Variants in GFI1B observed in about 807,000 individuals in gnomAD.
The protein encoded by GFI1B is growth factor independent 1B transcriptional repressor.
Under a neutral mutation model 35.3 loss-of-function variants are expected in GFI1B, and 20 were observed. That is an observed-to-expected ratio of 0.57 (90% confidence interval 0.40 to 0.82). GFI1B has a LOEUF of 0.82. Among genes scored for constraint, GFI1B ranks in the 40% least tolerant of loss-of-function variants. The pLI is 0.00. For missense variants in GFI1B, 430 were observed against 446.3 expected (o/e 0.96, Z 0.33); for synonymous variants, 178 against 177.6 (o/e 1.00, Z -0.02).
At chr9:132,950,546 C>A in intron 1 of GFI1B, among the ~76,000 whole-genome samples, 1 of 132,282 alleles carries the variant, frequency 7.6e-6, no homozygotes, top group African/African-American at 2.9e-5. Flanking sequence ...CCTGTAATCC[C>A]AATCCCACTT....
chr9:132,964,295 G>T (rs1158491032), intron 1 of GFI1B, among the ~76,000 whole-genome samples: 1 of 151,870 alleles, frequency 6.6e-6, no homozygotes, highest in Non-Finnish European at 1.5e-5. Context: ...TTACTTAACG[G>T]GTACAATATA....
intron 1 of GFI1B, among the ~76,000 whole-genome samples, chr9:132,967,488 T>C (rs1206494158): frequency 1.3e-5 from 2 of 152,120 alleles, no homozygotes; most frequent in Non-Finnish European, 2.9e-5. Flanking sequence ...AAAGACATAA[T>C]ACACTCATGC....
At chr9:132,991,959 T>C (rs1849308715), downstream of GFI1B, among the ~76,000 whole-genome samples, 1 of 152,098 alleles carries the variant, frequency 6.6e-6, no homozygotes, top group African/African-American at 2.4e-5. Context: ...CTGTGACAAA[T>C]GACCACAAAC....
intron 1 of GFI1B, 46 bp from the exon 2 acceptor site, chr9:132,986,613 T>C (rs776401954): frequency 7.5e-6 from 7 of 934,694 alleles, no homozygotes; most frequent in Non-Finnish European, 1.2e-5. Flanking sequence ...TGGAGGGGTA[T>C]TGTTCTCTTG....
intron 1 of GFI1B, among the ~76,000 whole-genome samples, chr9:132,971,029 C>A (rs1203562843): frequency 1.3e-5 from 2 of 152,212 alleles, no homozygotes; most frequent in African/African-American, 4.8e-5. Flanking sequence ...TTATAGTCAG[C>A]TGTTGAATAT....
upstream of GFI1B, among the ~76,000 whole-genome samples, chr9:132,974,738 G>A (rs1848596232): frequency 6.6e-6 from 1 of 152,144 alleles, no homozygotes; most frequent in Admixed American, 6.5e-5. Flanking sequence ...AGGTCAAGGA[G>A]GTCTTTCTGC....
chr9:132,955,021 AT>A (rs1407636020), intron 1 of GFI1B, among the ~76,000 whole-genome samples: 1 of 152,228 alleles, frequency 6.6e-6, no homozygotes, highest in East Asian at 1.9e-4. Context: ...CTGGCCAAAT[AT>A]TTTTTAAAGA....
upstream of GFI1B, chr9:132,974,905 G>C (rs535220415): frequency 6.6e-6 from 1 of 152,316 alleles, no homozygotes; most frequent in South Asian, 2.1e-4. Flanking sequence ...ATCCAACCAT[G>C]TCAGAAGCTG....
upstream of GFI1B, chr9:132,974,986 T>C (rs1208119814): frequency 6.6e-6 from 1 of 151,970 alleles, no homozygotes; most frequent in African/African-American, 2.4e-5. Flanking sequence ...GTTTCTGTAC[T>C]GGGCACGGTG....
intron 1 of GFI1B, among the ~76,000 whole-genome samples, chr9:132,960,848 A>T (rs1166285216): frequency 6.6e-6 from 1 of 151,490 alleles, no homozygotes; most frequent in East Asian, 2.0e-4. Context: ...TGGGTAGGCC[A>T]CCTCCTCTCT....
intron 1 of GFI1B, among the ~76,000 whole-genome samples, chr9:132,983,805 G>A (rs1233708905): frequency 1.3e-5 from 2 of 152,236 alleles, no homozygotes; most frequent in Admixed American, 6.5e-5. Context: ...CCAGCACTTG[G>A]CACCCATTCT....
Position 132,987,370 on chromosome 9 carries a change from G to A in GFI1B, c.189G>A (p.Glu63=). Residue 63 remains glutamate (E), a synonymous_variant, in exon 3 of 7, where the codon GAG becomes GAA. Transcript: ENST00000372122. The part of the protein sequence containing the change: ...QCLDWTNLKR[E]PELEQDQNLA... Reference sequence around the variant, plus strand: ...TGGACTGGACCAACCTCAAACGAGAGCCGGAGCTGGAGCAGGACCAGAACT... The same window carrying A: ...TGGACTGGACCAACCTCAAACGAGAACCGGAGCTGGAGCAGGACCAGAACT... 6.2e-7 allele frequency: 1 copy of A among 1,614,248 alleles called. No homozygotes were observed. Among genetic ancestry groups the A allele is most frequent in the East Asian group, 2.2e-5 (1 of 44,876 alleles).
chr9:132,951,743 T>C (rs1848206278), intron 1 of GFI1B: 1 of 152,170 alleles, frequency 6.6e-6, no homozygotes, highest in African/African-American at 2.4e-5. Flanking sequence ...TTTTAAAATG[T>C]CCTTCCCAAA....
chr9:132,968,974 A>G lies in GFI1B; in HGVS notation c.-700-3751A>G, dbSNP rs111311195. 6.2e-3 allele frequency among the ~76,000 whole-genome samples: 935 copies of G among 152,012 alleles called. 10 individuals carry two copies. The highest frequency in any genetic ancestry group is 0.021 in the African/African-American group (887 of 41,464). The stretch of plus-strand genomic sequence containing the variant: ...TGTCCCCATTAAATACAAACTCCCC[A>G]GTCGCCTGTCCCCCAACCCCTGGCA... On this transcript the variant is annotated intron_variant, in intron 1 of 10. Transcript: ENST00000339463.
intron 1 of GFI1B, among the ~76,000 whole-genome samples, chr9:132,960,373 C>T (rs1000809536): frequency 3.3e-5 from 5 of 152,158 alleles, no homozygotes; most frequent in African/African-American, 1.2e-4. Context: ...GCTAAATAAG[C>T]AGCCTGGGCT....
At chr9:132,948,737 T>C (rs180875804) in intron 1 of GFI1B, among the ~76,000 whole-genome samples, 5 of 152,354 alleles carry the variant, frequency 3.3e-5, no homozygotes, top group African/African-American at 1.2e-4. Context: ...TCTAGCACCG[T>C]GTCCTCCAGT....
intron 1 of GFI1B, among the ~76,000 whole-genome samples, chr9:132,970,621 T>C (rs1279769901): frequency 6.6e-6 from 1 of 152,140 alleles, no homozygotes; most frequent in African/African-American, 2.4e-5. Context: ...TGGTTGACCA[T>C]AGCGCCAGCC....
chr9:132,983,188 T>TC (rs1450297550), intron 1 of GFI1B, among the ~76,000 whole-genome samples: 3 of 114,818 alleles, frequency 2.6e-5, no homozygotes, highest in Non-Finnish European at 3.5e-5. Flanking sequence ...TTTTTCTCCC[T>TC]CCTTTTTTTT....
At chr9:132,968,995 T>G (rs1013746165) in intron 1 of GFI1B, among the ~76,000 whole-genome samples, 2 of 151,788 alleles carry the variant, frequency 1.3e-5, no homozygotes, top group Non-Finnish European at 2.9e-5. Context: ...CCCCAACCCC[T>G]GGCAACCACC....
Sources: allele counts gnomAD v4.1 joint callset (sites outside exome capture counted in the v4.1 genomes callset), GRCh38; gene constraint gnomAD v4.1.1; transcripts MANE v1.5; gene names NCBI Gene and HGNC (gene_info 2026-07-23, HGNC 2026-07-21).